ART3: variants seen among roughly 807,000 people sequenced by gnomAD.
ART3 encodes ecto-ADP-ribosyltransferase 3.
ART3 carries 49 observed loss-of-function variants against 48.5 expected under a neutral mutation model. The observed-to-expected ratio is 1.01, with a 90% CI of 0.80 to 1.28. The LOEUF is 1.28. Among genes scored for constraint, ART3 ranks in the 50% most tolerant of loss-of-function variants. The pLI is 0.00. For missense variants in ART3, 438 were observed against 454.3 expected (o/e 0.96, Z 0.33); for synonymous variants, 145 against 157.2 (o/e 0.92, Z 0.58).
At chr4:76,023,577 A>T in intron 1 of ART3, 3 of 635,254 alleles carry the variant, frequency 4.7e-6, no homozygotes, top group South Asian at 2.3e-5. Context: ...AGGGCATTAC[A>T]GTTGACTTAG....
chr4:76,077,251 G>A (rs1352274195), intron 2 of ART3, among the ~76,000 whole-genome samples: 1 of 152,100 alleles, frequency 6.6e-6, no homozygotes, highest in African/African-American at 2.4e-5. Flanking sequence ...GCCTATTCTG[G>A]ATATTTCGCC....
Position 76,100,830 on chromosome 4 carries a change from A to G in ART3, c.907+6A>G. 4.3e-6 allele frequency: 7 copies of G among 1,612,112 alleles called. No individual in the cohort carries two copies. The highest frequency in any genetic ancestry group is 5.9e-6 in the Non-Finnish European group (7 of 1,179,578). ...CTGGAAGCTTGAAGACCATGGTAAG[A>G]CATTTTTTATAAATTCTGGGGGCTT... On this transcript the variant is annotated splice_donor_region_variant and intron_variant, in intron 7 of 11. Coordinates refer to ENST00000355810, the MANE Select transcript of ART3 (RefSeq NM_001130016.3).
chr4:76,041,418 T>C (rs1734962819), intron 1 of ART3: 1 of 152,260 alleles, frequency 6.6e-6, no homozygotes, highest in Admixed American at 6.5e-5. Context: ...GATGTCTTCA[T>C]GAAGCCTTTT....
chr4:76,080,173 G>T (rs879506294), intron 2 of ART3, among the ~76,000 whole-genome samples: 2 of 152,050 alleles, frequency 1.3e-5, no homozygotes, highest in Non-Finnish European at 2.9e-5. Flanking sequence ...CTTATTTTTT[G>T]ATCCATAAGC....
chr4:76,059,310 A>G (rs1718964108), intron 1 of ART3, among the ~76,000 whole-genome samples: 1 of 151,808 alleles, frequency 6.6e-6, no homozygotes, highest in South Asian at 2.1e-4. Flanking sequence ...TTTGCTTTGC[A>G]AGGTCCAAAG....
chr4:76,105,632 T>A (rs111717244), intron 10 of ART3: 15 of 1,245,648 alleles, frequency 1.2e-5, no homozygotes, highest in Non-Finnish European at 1.5e-5. Context: ...AGTTCAGTCT[T>A]ATGGGGTCTG....
chr4:76,089,867 G>T (rs749025047), intron 3 of ART3, among the ~76,000 whole-genome samples: 5 of 152,150 alleles, frequency 3.3e-5, no homozygotes, highest in Non-Finnish European at 2.9e-5. Context: ...AGATCACGGG[G>T]TCAGGTGTTC....
At chr4:76,090,256 T>C (rs1724576117) in intron 3 of ART3, among the ~76,000 whole-genome samples, 1 of 152,196 alleles carries the variant, frequency 6.6e-6, no homozygotes, top group African/African-American at 2.4e-5. Context: ...ACAGTGGAGC[T>C]TTCGAGAGTT....
chr4:76,103,992 C>T, intron 9 of ART3, 23 bp downstream of exon 9: 1 of 1,610,500 alleles, frequency 6.2e-7, no homozygotes, highest in Non-Finnish European at 8.5e-7. Context: ...TCTATTTACT[C>T]CCTGAGCCCA....
chr4:76,011,895 T>C (rs138035835), intron 1 of ART3, among the ~76,000 whole-genome samples: 2 of 152,338 alleles, frequency 1.3e-5, no homozygotes, highest in African/African-American at 4.8e-5. Context: ...AAAATCCCAT[T>C]GATCGTTGCA....
intron 3 of ART3, among the ~76,000 whole-genome samples, chr4:76,087,930 A>G (rs1191194517): frequency 6.6e-6 from 1 of 152,238 alleles, no homozygotes; most frequent in Admixed American, 6.5e-5. Context: ...CATTATCATT[A>G]AAAATTACTC....
At chr4:76,047,515 A>C (rs1380077650) in intron 1 of ART3, among the ~76,000 whole-genome samples, 1 of 152,008 alleles carries the variant, frequency 6.6e-6, no homozygotes, top group Non-Finnish European at 1.5e-5. Flanking sequence ...CGGGGAAGGC[A>C]GAAGGATTTT....
At chr4:76,089,238 GACA>G (rs1415800737) in intron 3 of ART3, among the ~76,000 whole-genome samples, 2 of 151,776 alleles carry the variant, frequency 1.3e-5, no homozygotes, top group African/African-American at 4.8e-5. Context: ...TGCTTTTTGC[GACA>G]ACAATTGCTA....
chr4:76,022,559 G>T, intron 1 of ART3: 1 of 1,476,372 alleles, frequency 6.8e-7, no homozygotes, highest in Non-Finnish European at 9.3e-7. Context: ...CACTCTGCAT[G>T]TTTTTGTTTG....
chr4:76,026,097 C>CA (rs1206760446), intron 1 of ART3, among the ~76,000 whole-genome samples: 1 of 151,754 alleles, frequency 6.6e-6, no homozygotes, highest in Non-Finnish European at 1.5e-5. Flanking sequence ...CCTTCTCAAC[C>CA]ACTACAATCC....
At chr4:76,031,919 T>C (rs1470980409) in intron 1 of ART3, among the ~76,000 whole-genome samples, 1 of 152,164 alleles carries the variant, frequency 6.6e-6, no homozygotes, top group East Asian at 1.9e-4. Flanking sequence ...ACACCTAATC[T>C]AGTTAAAGCT....
At chr4:76,078,326 A>T (rs1721593277) in intron 2 of ART3, among the ~76,000 whole-genome samples, 1 of 152,184 alleles carries the variant, frequency 6.6e-6, no homozygotes, top group Admixed American at 6.5e-5. Context: ...GGAACATAGT[A>T]GATCAACTCT....
At chr4:76,041,255 A>T (rs1163657435) in intron 1 of ART3, 1 of 152,208 alleles carries the variant, frequency 6.6e-6, no homozygotes, top group East Asian at 1.9e-4. Flanking sequence ...ATACTCTCTG[A>T]CATCACATGA....
At chr4:76,034,758 T>G (rs980667331) in intron 1 of ART3, 2 of 1,446,224 alleles carry the variant, frequency 1.4e-6, no homozygotes. Flanking sequence ...GTTTTTCAGA[T>G]GCTCTTTTCC....
Sources: gnomAD v4.1 joint callset for allele counts (sites outside exome capture counted in the v4.1 genomes callset) on GRCh38, gnomAD v4.1.1 for gene constraint, MANE v1.5 for transcripts, NCBI Gene and HGNC (gene_info 2026-07-23, HGNC 2026-07-21) for gene names.